VWA8: variants seen among roughly 807,000 people sequenced by gnomAD.
VWA8 encodes the protein von Willebrand factor A domain-containing protein 8.
VWA8 carries 221 observed loss-of-function variants against 241.5 expected under a neutral mutation model. The observed-to-expected ratio is 0.91, with a 90% confidence interval of 0.82 to 1.02. The LOEUF (loss-of-function observed/expected upper bound fraction) is 1.02. VWA8 is among the 50% of genes least tolerant of loss of function. The probability of loss-of-function intolerance (pLI) is 0.00; values close to 1 mark genes in which losing one functional copy is unlikely to be tolerated. For missense variants in VWA8, 2,322 were observed against 2,328.7 expected (o/e 1.00, Z 0.06); for synonymous variants, 852 against 827.1 (o/e 1.03, Z -0.52).
intron 5 of VWA8, among the ~76,000 whole-genome samples, chr13:41,889,519 C>T (rs1240404853): frequency 2.6e-5 from 4 of 152,030 alleles, no homozygotes; most frequent in East Asian, 1.9e-4. Context: ...GCTGGGATTA[C>T]AGGCGCATGC....
At chr13:41,880,557 T>C (rs948140592) in intron 9 of VWA8, among the ~76,000 whole-genome samples, 4 of 152,232 alleles carry the variant, frequency 2.6e-5, no homozygotes, top group African/African-American at 9.6e-5. Context: ...TTCAGGAACA[T>C]ATGATGCATT....
chr13:41,643,811 G>A (rs568412511), intron 37 of VWA8, among the ~76,000 whole-genome samples: 3 of 151,786 alleles, frequency 2.0e-5, no homozygotes, highest in African/African-American at 4.8e-5. Flanking sequence ...TTTTCTAACC[G>A]GTTTGCCCAG....
chr13:41,649,964 A>G (rs902787102), intron 37 of VWA8, among the ~76,000 whole-genome samples: 3 of 152,196 alleles, frequency 2.0e-5, no homozygotes, highest in South Asian at 2.1e-4. Flanking sequence ...TGGATTGTTC[A>G]TTGTAATTTA....
chr13:41,956,511 A>G (rs1173143035), intron 1 of VWA8, among the ~76,000 whole-genome samples: 1 of 152,228 alleles, frequency 6.6e-6, no homozygotes, highest in African/African-American at 2.4e-5. Flanking sequence ...CTCAGGGTCA[A>G]AATAACCTGC....
At chr13:41,652,861 T>C (rs2044878370) in intron 37 of VWA8, among the ~76,000 whole-genome samples, 1 of 152,226 alleles carries the variant, frequency 6.6e-6, no homozygotes, top group Non-Finnish European at 1.5e-5. Context: ...GCTTTTATAT[T>C]ACAACTTCCA....
Position 41,573,486 on chromosome 13 carries a change from A to AAAAAATAAATAT in VWA8, c.5370+2253_5370+2254insATATTTATTTTT. On this transcript the variant is annotated intron_variant, in intron 43 of 44. Transcript: ENST00000379310. Reference sequence around the variant, plus strand: ...GGTGGCTATAGTTTAAAAAAAAAAAAATATATATATATATATATATACCTC... The same window carrying AAAAAATAAATAT: ...GGTGGCTATAGTTTAAAAAAAAAAAAAAAAATAAATATATATATATATATATATATATACCTC... Among the ~76,000 whole-genome samples, 5 of 113,600 alleles carry AAAAAATAAATAT rather than the reference A, an allele frequency of 4.4e-5. 1 individual carries two copies. Among genetic ancestry groups the AAAAAATAAATAT allele is most frequent in the East Asian group, 2.6e-4 (1 of 3,788 alleles). 74.5% of individuals were successfully genotyped at this position (113,600 alleles called of 152,430 possible).
intron 29 of VWA8, chr13:41,696,023 A>ATT (rs1256958276): frequency 6.6e-6 from 1 of 152,164 alleles, no homozygotes; most frequent in African/African-American, 2.4e-5. Context: ...GTCTCATCCA[A>ATT]TTTTGACTGA....
intron 12 of VWA8, among the ~76,000 whole-genome samples, chr13:41,855,422 G>T (rs1006041049): frequency 8.9e-5 from 13 of 146,018 alleles, no homozygotes; most frequent in African/African-American, 3.3e-4. Flanking sequence ...GAAGAAAAAA[G>T]AAATAAAGCT....
Position 41,761,134 on chromosome 13 carries a change from A to T in VWA8, c.2420T>A (p.Leu807Gln). The part of the protein sequence containing the change: ...LLNRPREYIQ[L>Q]HRDTTVQTLT... ...GTGGGTCTAATAGTCTTACCTGTGT[A>T]GCTGAATATATTCTCGGGGTCTGTT... Residue 807 changes from leucine to glutamine, a missense_variant, in exon 21 of 45, where the codon CTA becomes CAA. Physicochemically the swap from Leu to Gln is moderately radical, Grantham distance 113. Transcript: ENST00000379310. 1.2e-6 allele frequency: 2 copies of T among 1,611,522 alleles called. No individual in the cohort carries two copies. Among genetic ancestry groups the T allele is most frequent in the Non-Finnish European group, 1.7e-6 (2 of 1,178,276 alleles).
At chr13:41,951,530 T>C (rs1328873262) in intron 1 of VWA8, among the ~76,000 whole-genome samples, 3 of 152,186 alleles carry the variant, frequency 2.0e-5, no homozygotes, top group Non-Finnish European at 4.4e-5. Flanking sequence ...AATTTCCGAG[T>C]GATCTTCTAA....
chr13:41,800,228 T>C (rs1869887071), intron 17 of VWA8, among the ~76,000 whole-genome samples: 1 of 152,246 alleles, frequency 6.6e-6, no homozygotes, highest in African/African-American at 2.4e-5. Context: ...ATTATTGCTA[T>C]GAACATTCAT....
Position 41,827,155 on chromosome 13 carries a change from A to G in VWA8, c.1700+3374T>C, listed in dbSNP as rs183821078. ...TATTAACTTGAGGAAAAAACAAGAT[A>G]TATGCAAGAAAGGAAAATGAGTGTT... On this transcript the variant is annotated intron_variant, in intron 14 of 44. Coordinates refer to ENST00000379310, the MANE Select transcript of VWA8 (RefSeq NM_015058.2). 2.1e-3 allele frequency among the ~76,000 whole-genome samples: 315 copies of G among 152,318 alleles called. 2 individuals are homozygous for G. The highest frequency in any genetic ancestry group is 6.9e-3 in the African/African-American group (285 of 41,566).
intron 26 of VWA8, among the ~76,000 whole-genome samples, chr13:41,713,361 A>G (rs1348205116): frequency 1.3e-5 from 2 of 152,168 alleles, no homozygotes; most frequent in Non-Finnish European, 2.9e-5. Context: ...CAACCACTAC[A>G]AACAGCTATC....
intron 37 of VWA8, among the ~76,000 whole-genome samples, chr13:41,629,362 A>G (rs2044712535): frequency 6.6e-6 from 1 of 152,190 alleles, no homozygotes; most frequent in Non-Finnish European, 1.5e-5. Context: ...AAAAGTAAAG[A>G]GCTATAACAT....
rs1211305984 is a variant in VWA8, at chr13:41,727,162, A to G, written c.2758+32T>C. ...TGTTACTAATATTATTATTACTGCT[A>G]TTGGTATTGTTATTATCATTACTGT... On this transcript the variant is annotated intron_variant, in intron 24 of 44. Transcript: ENST00000379310. 3.4e-6 allele frequency: 5 copies of G among 1,473,006 alleles called. No individual in the cohort carries two copies. In the East Asian group the frequency reaches 1.3e-4, roughly 37 times the overall value. The allele number at this position is 1,473,006 out of a possible 1,614,324, so 91.2% of individuals were successfully genotyped here.
intron 2 of VWA8, among the ~76,000 whole-genome samples, chr13:41,922,624 G>A (rs1370771120): frequency 6.6e-6 from 1 of 152,164 alleles, no homozygotes; most frequent in Admixed American, 6.5e-5. Context: ...AGTGGGCAAA[G>A]GATATGAACA....
At chr13:41,748,137 C>A (rs1306693726) in intron 21 of VWA8, among the ~76,000 whole-genome samples, 1 of 152,112 alleles carries the variant, frequency 6.6e-6, no homozygotes, top group Non-Finnish European at 1.5e-5. Context: ...AGGATTCCCT[C>A]TTTTTCTATT....
intron 37 of VWA8, among the ~76,000 whole-genome samples, chr13:41,628,752 G>A (rs1053955170): frequency 1.3e-5 from 2 of 152,078 alleles, no homozygotes; most frequent in African/African-American, 4.8e-5. Flanking sequence ...CATAAAAAAG[G>A]GGACAACAGG....
At chr13:41,897,858 C>A (rs962531713) in intron 4 of VWA8, among the ~76,000 whole-genome samples, 1 of 152,164 alleles carries the variant, frequency 6.6e-6, no homozygotes, top group South Asian at 2.1e-4. Context: ...GTTGCCACTG[C>A]TGGCTCCGGC....
Sources: gnomAD v4.1 joint callset for allele counts (sites outside exome capture counted in the v4.1 genomes callset) on GRCh38, gnomAD v4.1.1 for gene constraint, MANE v1.5 for transcripts, NCBI Gene and HGNC (gene_info 2026-07-23, HGNC 2026-07-21) for gene names.